Variants in EYS observed in about 807,000 individuals in gnomAD.
EYS encodes protein eyes shut homolog.
Under a neutral mutation model 282.1 loss-of-function variants are expected in EYS, and 250 were observed. The ratio of observed to expected loss-of-function variants is 0.89; its 90% CI spans 0.80 to 0.98. EYS has a LOEUF of 0.98. Among genes scored for constraint, EYS ranks in the 50% least tolerant of loss-of-function variants. EYS has a pLI of 0.00. For synonymous variants in EYS, 1,355 were observed against 1,282.9 expected (o/e 1.06, Z -1.20); for missense variants, 4,016 against 3,709.0 (o/e 1.08, Z -2.15).
At chr6:64,679,047 T>C (rs534974739) in intron 22 of EYS, among the ~76,000 whole-genome samples, 192 of 152,322 alleles carry the variant, frequency 1.3e-3, no homozygotes, top group African/African-American at 4.6e-3. Context: ...TTACATAATT[T>C]AAAGTTTATA....
At position 64,938,667 on chromosome 6, in the gene EYS, T is replaced by C. The variant is rs143799795; in HGVS notation, c.2381+7126A>G. Among the ~76,000 whole-genome samples, 1,141 of 151,744 alleles carry C rather than the reference T, an allele frequency of 7.5e-3. 12 individuals carry two copies. Among genetic ancestry groups the C allele is most frequent in the African/African-American group, 0.025 (1,053 of 41,514 alleles). On this transcript the variant is annotated intron_variant, in intron 15 of 42. Transcript: ENST00000503581. ...AGATATTCAATAATTTATTATAAAATAGGAATTGTGTTTTTCTCCACCGGT... is the reference window on the plus strand; with the variant it reads ...AGATATTCAATAATTTATTATAAAACAGGAATTGTGTTTTTCTCCACCGGT...
At chr6:64,815,605 C>T (rs934364857) in intron 21 of EYS, among the ~76,000 whole-genome samples, 3 of 152,090 alleles carry the variant, frequency 2.0e-5, no homozygotes, top group East Asian at 1.9e-4. Flanking sequence ...GGATGCCTTT[C>T]GTTTTGTTCA....
chr6:65,294,781 G>T (rs1768617460), intron 12 of EYS, among the ~76,000 whole-genome samples: 1 of 151,778 alleles, frequency 6.6e-6, no homozygotes, highest in Admixed American at 6.6e-5. Context: ...TTAAAGAAAT[G>T]ATATATATCT....
intron 32 of EYS, among the ~76,000 whole-genome samples, chr6:64,076,259 A>G (rs1336482266): frequency 6.6e-6 from 1 of 151,958 alleles, no homozygotes. Flanking sequence ...TAAAGATTCA[A>G]TACCTACTTA....
chr6:65,382,774 A>T lies in EYS; in HGVS notation c.1299+1612T>A, dbSNP rs368918365. Among the ~76,000 whole-genome samples, 154 of 151,936 alleles carry T rather than the reference A, an allele frequency of 1.0e-3. 1 individual carries two copies. The highest frequency in any genetic ancestry group is 3.6e-3 in the African/African-American group (150 of 41,478). On this transcript the variant is annotated intron_variant, in intron 8 of 42. Coordinates refer to ENST00000503581, the MANE Select transcript of EYS (RefSeq NM_001142800.2). ...GAGGCTAAGCCTGTCTAGCCTATTT[A>T]TGTTTTTCTGCCTGCTTTATATTTT...
At chr6:65,378,034 C>T (rs140476986) in intron 8 of EYS, among the ~76,000 whole-genome samples, 2,095 of 151,846 alleles carry the variant, frequency 0.014, 40 homozygotes, top group African/African-American at 0.047. Context: ...TAGACAAATG[C>T]GATCTAATTA....
chr6:64,885,082 C>A (rs1767046408), intron 19 of EYS, among the ~76,000 whole-genome samples: 4 of 151,498 alleles, frequency 2.6e-5, no homozygotes. Context: ...AAACCATTAC[C>A]CCATCCTGGT....
At chr6:65,339,487 T>C (rs1433338725) in intron 10 of EYS, among the ~76,000 whole-genome samples, 1 of 151,234 alleles carries the variant, frequency 6.6e-6, no homozygotes, top group East Asian at 1.9e-4. Flanking sequence ...TTTTTATTAG[T>C]AATTGTTGTT....
intron 18 of EYS, 28 bp from the exon 19 acceptor site, chr6:64,886,870 A>C: frequency 7.4e-7 from 1 of 1,355,374 alleles, no homozygotes; most frequent in Non-Finnish European, 1.0e-6. Context: ...AATGAGGAAT[A>C]GCCATGTAAC....
rs148559219 is a variant in EYS, at chr6:64,679,297, T to C, written c.3444-53052A>G. On this transcript the variant is annotated intron_variant, in intron 22 of 42. Transcript: ENST00000503581. ...TTCCTTCCTTAGAAAAAAGGCTGCATAGCTTTTCTCGGGCACTTTATCTTT... is the reference window on the plus strand; with the variant it reads ...TTCCTTCCTTAGAAAAAAGGCTGCACAGCTTTTCTCGGGCACTTTATCTTT... Among the ~76,000 whole-genome samples the C allele has an allele frequency of 4.1e-3, 629 of 152,296 alleles. 2 individuals are homozygous for C. Among genetic ancestry groups the C allele is most frequent in the South Asian group, 0.011 (51 of 4,828 alleles).
intron 26 of EYS, among the ~76,000 whole-genome samples, chr6:64,525,971 C>T (rs1418877786): frequency 6.6e-6 from 1 of 151,598 alleles, no homozygotes; most frequent in Admixed American, 6.6e-5. Context: ...GAAAAAAAAC[C>T]TCTAATATCA....
chr6:63,905,742 C>T (rs1773764486), intron 35 of EYS, among the ~76,000 whole-genome samples: 1 of 152,164 alleles, frequency 6.6e-6, no homozygotes, highest in Non-Finnish European at 1.5e-5. Flanking sequence ...CTAGAATTTG[C>T]CTGTCGATTT....
intron 36 of EYS, among the ~76,000 whole-genome samples, chr6:63,816,720 T>TTATC (rs1408729386): frequency 6.6e-6 from 1 of 152,232 alleles, no homozygotes; most frequent in Admixed American, 6.5e-5. Flanking sequence ...TCCCATTGGC[T>TTATC]TATCCTAAGG....
chr6:65,436,675 A>T (rs1768086668), intron 5 of EYS, among the ~76,000 whole-genome samples: 1 of 152,158 alleles, frequency 6.6e-6, no homozygotes, highest in Admixed American at 6.6e-5. Flanking sequence ...AAAAGTATTC[A>T]TCTAGATTGC....
At chr6:63,916,871 T>C (rs1764436076) in intron 35 of EYS, among the ~76,000 whole-genome samples, 1 of 152,210 alleles carries the variant, frequency 6.6e-6, no homozygotes, top group South Asian at 2.1e-4. Flanking sequence ...CAATGAAACA[T>C]GCAGTGACAG....
chr6:65,482,574 T>A (rs989410105), intron 5 of EYS, among the ~76,000 whole-genome samples: 1 of 152,216 alleles, frequency 6.6e-6, no homozygotes, highest in African/African-American at 2.4e-5. Flanking sequence ...CAAAATTCTA[T>A]TCTTCACAAA....
At chr6:64,222,481 T>A (rs1766133428) in intron 31 of EYS, among the ~76,000 whole-genome samples, 1 of 152,078 alleles carries the variant, frequency 6.6e-6, no homozygotes, top group African/African-American at 2.4e-5. Context: ...ACTGTTGGTC[T>A]GTTTTCATAT....
At chr6:64,358,596 G>C (rs937360656) in intron 29 of EYS, among the ~76,000 whole-genome samples, 2 of 151,566 alleles carry the variant, frequency 1.3e-5, no homozygotes, top group Admixed American at 6.6e-5. Flanking sequence ...CAGTGCCTTT[G>C]CTGGACTATT....
intron 30 of EYS, among the ~76,000 whole-genome samples, chr6:64,259,650 G>GCGCGCACACACA (rs140354088): frequency 2.5e-4 from 36 of 145,714 alleles, no homozygotes; most frequent in African/African-American, 8.6e-4. Context: ...TTACACACGC[G>GCGCGCACACACA]CACACACACA....
Sources: allele counts gnomAD v4.1 joint callset (sites outside exome capture counted in the v4.1 genomes callset), GRCh38; gene constraint gnomAD v4.1.1; transcripts MANE v1.5; gene names NCBI Gene and HGNC (gene_info 2026-07-23, HGNC 2026-07-21).